Variants in TMC8 observed in about 807,000 individuals in gnomAD.
TMC8 encodes the protein transmembrane channel like 8, also known as transmembrane channel-like protein 8.
A neutral mutation model predicts 76.0 loss-of-function variants in TMC8; 71 were observed. The observed-to-expected ratio is 0.93, with a 90% confidence interval of 0.77 to 1.14. The LOEUF is 1.14. Ranked by LOEUF, TMC8 falls within the 50% of genes most tolerant of loss-of-function variation. The pLI, the probability that TMC8 is intolerant of heterozygous loss-of-function variation, is 0.00. For missense variants in TMC8, 924 were observed against 947.9 expected (o/e 0.97, Z 0.33); for synonymous variants, 433 against 433.8 (o/e 1.00, Z 0.02).
In TMC8 at chr17:78,140,964, G is replaced by T. The variant is rs1309328672; in HGVS notation, c.2033G>T (p.Cys678Phe). 1 of 1,594,098 alleles carries T rather than the reference G, an allele frequency of 6.3e-7. No individual in the cohort carries two copies. The highest frequency in any genetic ancestry group is 1.1e-5 in the South Asian group (1 of 88,812). ...ASRPQSFCPG[C>F]PCPGSPGHQA... ...CGCCCGCAGTCCTTCTGCCCCGGAT[G>T]CCCATGCCCTGGCTCCCCGGGCCAC... The change falls in exon 16 of 16, where the codon TGC becomes TTC. Residue 678 changes from cysteine to phenylalanine, a missense_variant. Transcript: ENST00000318430.
Position 78,141,117 on chromosome 17 carries a change from T to G in TMC8, c.*5T>G, listed in dbSNP as rs369764. The G allele has an allele frequency of 0.99, 1,537,405 of 1,548,218 alleles. 763,345 individuals carry two copies. Among genetic ancestry groups the G allele is most frequent in the East Asian group, 1 (43,946 of 43,946 alleles). ...CCCAGCGGCGCGGAGCTGTAACCCC[T>G]ACCCCTGCCTCCCCGAAGCCTCCCT... On this transcript the variant is annotated 3_prime_UTR_variant, in exon 16 of 16. Transcript: ENST00000318430.
chr17:78,137,126 C>A, intron 9 of TMC8, 109 bp from the exon 10 acceptor site: 1 of 1,531,790 alleles, frequency 6.5e-7, no homozygotes, highest in Non-Finnish European at 8.8e-7. Context: ...GGAGGCTGGG[C>A]CCAGGACACA....
At chr17:78,138,837 G>A (rs1174644383) in intron 14 of TMC8, 105 bp downstream of exon 14, 14 of 1,564,804 alleles carry the variant, frequency 8.9e-6, no homozygotes, top group Non-Finnish European at 1.1e-5. Flanking sequence ...GCCAGACGCA[G>A]AAAGCCAAGG....
Position 78,132,374 on chromosome 17 carries a change from G to A in TMC8, c.314G>A (p.Gly105Glu). 6.2e-7 allele frequency: 1 copy of A among 1,613,094 alleles called. No individual in the cohort carries two copies. Among genetic ancestry groups the A allele is most frequent in the South Asian group, 1.1e-5 (1 of 91,028 alleles). The change falls in exon 4 of 16, where the codon GGA (glycine) becomes GAA (glutamate). Residue 105 changes from glycine (G) to glutamate (E), a missense_variant. Coordinates refer to ENST00000318430, the MANE Select transcript of TMC8 (RefSeq NM_152468.5). ...LYEIGGLFGT[G>E]IRSYFTFLRF... ...CCCACTGCAGGCCTCTTCGGCACAG[G>A]AATTCGGTCCTACTTCACCTTCCTC...
chr17:78,131,948 G>T lies in TMC8; in HGVS notation c.216G>T (p.Thr72=). The T allele has an allele frequency of 6.6e-7, 1 of 1,512,086 alleles. No homozygotes were observed. Among genetic ancestry groups the T allele is most frequent in the Non-Finnish European group, 8.8e-7 (1 of 1,135,744 alleles). 93.7% of individuals were successfully genotyped at this position (1,512,086 alleles called of 1,614,324 possible). A position where few individuals can be genotyped will look rare whatever the true frequency, so the allele number is the denominator to read the frequency against. Residue 72 remains threonine, a synonymous_variant, in exon 3 of 16, where the codon ACG becomes ACT. Transcript: ENST00000318430. ...RWQRWQRRRQ[T]VERRLREAAQ... ...AGCGGTGGCAGCGCCGGCGGCAGAC[G>T]GTGGAAAGGCGCCTGCGGGAGGCAG...
rs2075131941 is a variant in TMC8 at position 78,133,966 on chromosome 17, C to G, written c.782C>G (p.Thr261Ser). The G allele has an allele frequency of 1.9e-6, 3 of 1,613,796 alleles. No homozygotes were observed. The highest frequency in any genetic ancestry group is 2.5e-6 in the Non-Finnish European group (3 of 1,180,046). Residue 261 changes from threonine to serine, a missense_variant, in exon 7 of 16, where the codon ACC (threonine) becomes AGC (serine). Transcript: ENST00000318430. ...TGCATCCGGGTGCAGGAAGCAGCCA[C>G]CATCAAGAAGCATGAGATCAGCAAC... ...DFCIRVQEAA[T>S]IKKHEISNEF... is the part of the protein sequence containing the mutation.
chr17:78,136,860 G>A (rs891202547), intron 9 of TMC8: 8 of 342,640 alleles, frequency 2.3e-5, no homozygotes, highest in Non-Finnish European at 4.6e-5. Context: ...TCAGGAGTTC[G>A]AGACCAGCCT....
chr17:78,134,292 T>A, intron 7 of TMC8, 102 bp from the exon 8 acceptor site: 2 of 1,365,986 alleles, frequency 1.5e-6, no homozygotes, highest in Non-Finnish European at 2.1e-6. Flanking sequence ...ACTGTGTATG[T>A]GAGCGTGAAT....
Position 78,132,391 on chromosome 17 carries a change from A to AC in TMC8, c.333dup (p.Phe112LeufsTer31). The AC allele has an allele frequency of 6.2e-7, 1 of 1,612,224 alleles. No homozygotes were observed. The highest frequency in any genetic ancestry group is 8.5e-7 in the Non-Finnish European group (1 of 1,179,534). On this transcript the variant is annotated frameshift_variant, in exon 4 of 16. Coordinates refer to ENST00000318430, the MANE Select transcript of TMC8 (RefSeq NM_152468.5). LOFTEE classifies it high-confidence loss of function. ...CGGCACAGGAATTCGGTCCTACTTC[A>AC]CCTTCCTCCGCTTCCTGCTGCTACT...
chr17:78,137,221 G>A lies in TMC8; in HGVS notation c.1128-14G>A. 1.2e-6 allele frequency: 2 copies of A among 1,613,398 alleles called. No individual in the cohort carries two copies. Among genetic ancestry groups the A allele is most frequent in the East Asian group, 2.2e-5 (1 of 44,846 alleles). ...TGCCTGGGCCCCTCCACCTGACAAG[G>A]TCCCTGCCCCCAGGTGCGTGGTGCT... On this transcript the variant is annotated splice_polypyrimidine_tract_variant and intron_variant, in intron 9 of 15. Coordinates refer to ENST00000318430, the MANE Select transcript of TMC8 (RefSeq NM_152468.5).
chr17:78,133,903 C>A lies in TMC8; in HGVS notation c.719C>A (p.Ala240Glu), dbSNP rs757640069. ...ACTCTGCTGGGTCAGGGCTATCAGGCGCCTCTCAGCGCCAAGGTCTTCTCC... is the reference window on the plus strand; with the variant it reads ...ACTCTGCTGGGTCAGGGCTATCAGGAGCCTCTCAGCGCCAAGGTCTTCTCC... ...QKTLLGQGYQAPLSAKVFSSW... is the reference protein window; with the variant it reads ...QKTLLGQGYQEPLSAKVFSSW... The change falls in exon 7 of 16, where the codon GCG becomes GAG. Residue 240 changes from alanine (A) to glutamate (E), a missense_variant. Physicochemically the swap from Ala to Glu is moderately radical, Grantham distance 107. Transcript: ENST00000318430. The A allele has an allele frequency of 1.9e-6, 3 of 1,613,526 alleles. No homozygotes were observed. The highest frequency in any genetic ancestry group is 2.2e-5 in the East Asian group (1 of 44,886).
intron 8 of TMC8, 45 bp downstream of exon 8, chr17:78,134,609 G>T: frequency 6.2e-7 from 1 of 1,608,640 alleles, no homozygotes; most frequent in South Asian, 1.1e-5. Flanking sequence ...GAACTGCGGG[G>T]GTGAGACAGG....
chr17:78,141,718 AGT>A lies in TMC8; in HGVS notation c.*608_*609del, dbSNP rs1162579025. 1 of 152,276 alleles carries A rather than the reference AGT, an allele frequency of 6.6e-6. No individual in the cohort carries two copies. The highest frequency in any genetic ancestry group is 1.5e-5 in the Non-Finnish European group (1 of 68,040). 9.4% of individuals were successfully genotyped at this position (152,276 alleles called of 1,614,324 possible). On this transcript the variant is annotated 3_prime_UTR_variant, in exon 16 of 16. Coordinates refer to ENST00000318430, the MANE Select transcript of TMC8 (RefSeq NM_152468.5). ...GCCACACTGCCCCAGTGTGGGGCTT[AGT>A]GGCGGCTCCTGGCCCTGACTGAGGG...
At chr17:78,137,630 C>A in intron 10 of TMC8, 87 bp from the exon 11 acceptor site, 1 of 1,279,772 alleles carries the variant, frequency 7.8e-7, no homozygotes, top group Non-Finnish European at 1.1e-6. Flanking sequence ...AAGGCACCTG[C>A]ACCACAGAAA....
chr17:78,136,029 G>A (rs771836070), intron 9 of TMC8, among the ~76,000 whole-genome samples: 3 of 152,048 alleles, frequency 2.0e-5, no homozygotes, highest in African/African-American at 7.2e-5. Context: ...ACTCCAGCCT[G>A]GGTGACAGAG....
At chr17:78,137,410 C>G (rs201314977) in intron 10 of TMC8, 52 bp downstream of exon 10, 102 of 1,612,384 alleles carry the variant, frequency 6.3e-5, no homozygotes, top group Non-Finnish European at 8.6e-5. Context: ...CCCCAAAAAG[C>G]TCACCTCAAA....
At chr17:78,135,412 G>C (rs575420220) in intron 9 of TMC8, among the ~76,000 whole-genome samples, 19 of 152,278 alleles carry the variant, frequency 1.2e-4, no homozygotes, top group African/African-American at 4.1e-4. Context: ...TCCCCCTTGA[G>C]GGATGAGGAA....
chr17:78,140,832 A>G lies in TMC8; in HGVS notation c.1903-2A>G. The G allele has an allele frequency of 6.2e-7, 1 of 1,606,372 alleles. No homozygotes were observed. Among genetic ancestry groups the G allele is most frequent in the Non-Finnish European group, 8.5e-7 (1 of 1,177,360 alleles). ...GCAACTCGCCACTTGTTCTCCTCAC[A>G]GCAGGTTCAGGAGAAGTGGCACCTG... On this transcript the variant is annotated splice_acceptor_variant, in intron 15 of 15. Coordinates refer to ENST00000318430, the MANE Select transcript of TMC8 (RefSeq NM_152468.5). LOFTEE classifies it high-confidence loss of function.
rs780774059 is a variant in TMC8, at chr17:78,132,235, C to T, written c.299-124C>T. On this transcript the variant is annotated intron_variant, in intron 3 of 15. Coordinates refer to ENST00000318430, the MANE Select transcript of TMC8 (RefSeq NM_152468.5). Reference sequence around the variant, plus strand: ...CCCAGGTGACTGTCAGCGGTACCTCCGGACTCGGGCGGGTGGGAGCCTGGC... The same window carrying T: ...CCCAGGTGACTGTCAGCGGTACCTCTGGACTCGGGCGGGTGGGAGCCTGGC... The T allele has an allele frequency of 3.6e-6, 5 of 1,400,476 alleles. No individual in the cohort carries two copies. The East Asian group carries it at 9.9e-5, about 28-fold the overall frequency. 86.8% of individuals were successfully genotyped at this position (1,400,476 alleles called of 1,614,324 possible).
Sources: gnomAD v4.1 joint callset for allele counts (sites outside exome capture counted in the v4.1 genomes callset) on GRCh38, gnomAD v4.1.1 for gene constraint, MANE v1.5 for transcripts, NCBI Gene and HGNC (gene_info 2026-07-23, HGNC 2026-07-21) for gene names.